The following ATP2B2 variants were observed in gnomAD, a reference collection of about 807,000 sequenced individuals.
ATP2B2 encodes the protein ATPase plasma membrane Ca2+ transporting 2, also known as plasma membrane calcium-transporting ATPase 2.
ATP2B2 carries 15 observed loss-of-function variants against 120.0 expected under a neutral mutation model. The ratio of observed to expected loss-of-function variants is 0.12; its 90% CI spans 0.08 to 0.19. The LOEUF (loss-of-function observed/expected upper bound fraction) is 0.19. ATP2B2 is among the 10% of genes least tolerant of loss of function. ATP2B2 has a pLI of 1.00. For synonymous variants in ATP2B2, 694 were observed against 700.3 expected (o/e 0.99, Z 0.14); for missense variants, 1,045 against 1,719.8 (o/e 0.61, Z 6.94).
At chr3:10,665,292 T>C (rs1447011534) in intron 1 of ATP2B2, among the ~76,000 whole-genome samples, 1 of 152,172 alleles carries the variant, frequency 6.6e-6, no homozygotes, top group Non-Finnish European at 1.5e-5. Flanking sequence ...CTGAGCTCTC[T>C]GTCTCTGTAG....
chr3:10,488,832 C>G (rs2065828157), intron 1 of ATP2B2, among the ~76,000 whole-genome samples: 1 of 152,044 alleles, frequency 6.6e-6, no homozygotes. Flanking sequence ...TCTCACCTCA[C>G]CCCCCACAGT....
chr3:10,526,018 T>C (rs1481275207), intron 3 of ATP2B2, among the ~76,000 whole-genome samples: 1 of 152,214 alleles, frequency 6.6e-6, no homozygotes, highest in Non-Finnish European at 1.5e-5. Context: ...GTAGTGAAGA[T>C]GAACTGGGAC....
intron 22 of ATP2B2, among the ~76,000 whole-genome samples, chr3:10,336,795 G>T (rs1228601292): frequency 1.3e-5 from 2 of 152,218 alleles, no homozygotes; most frequent in Non-Finnish European, 2.9e-5. Context: ...GCCTGGCAGG[G>T]TTATCTGTAA....
chr3:10,497,795 T>C (rs2066215738), intron 1 of ATP2B2, among the ~76,000 whole-genome samples: 1 of 152,182 alleles, frequency 6.6e-6, no homozygotes, highest in Admixed American at 6.5e-5. Context: ...ACTCTGCTGG[T>C]CACGTAATAC....
At chr3:10,518,939 G>A (rs548009017) in intron 3 of ATP2B2, among the ~76,000 whole-genome samples, 2 of 152,232 alleles carry the variant, frequency 1.3e-5, no homozygotes, top group Non-Finnish European at 2.9e-5. Flanking sequence ...CTGGGCTGTG[G>A]TGAAGATAAA....
intron 2 of ATP2B2, among the ~76,000 whole-genome samples, chr3:10,446,492 C>T (rs540048283): frequency 6.6e-6 from 1 of 152,288 alleles, no homozygotes; most frequent in South Asian, 2.1e-4. Context: ...CTATTACTAT[C>T]CATGATTTAC....
At chr3:10,618,935 G>A (rs928067848) in intron 2 of ATP2B2, among the ~76,000 whole-genome samples, 1 of 152,192 alleles carries the variant, frequency 6.6e-6, no homozygotes, top group Non-Finnish European at 1.5e-5. Flanking sequence ...CAAGCATGGT[G>A]GTGATTTGGG....
At position 10,516,962 on chromosome 3, in the gene ATP2B2, A is replaced by ATGTGTGTGTG. The variant is rs112098821; in HGVS notation, c.-320+17067_-320+17076dup. Reference sequence around the variant, plus strand: ...GCTTGTTTAGATCTACAATTTTCAGATGTGTGTGTGTGTGTGTGTGTGTTT... The same window carrying ATGTGTGTGTG: ...GCTTGTTTAGATCTACAATTTTCAGATGTGTGTGTGTGTGTGTGTGTGTGTGTGTGTGTTT... On this transcript the variant is annotated intron_variant, in intron 3 of 21. Coordinates refer to the ATP2B2 transcript ENST00000646379. 1.3e-3 allele frequency among the ~76,000 whole-genome samples: 200 copies of ATGTGTGTGTG among 149,818 alleles called. 1 individual carries two copies. Among genetic ancestry groups the ATGTGTGTGTG allele is most frequent in the African/African-American group, 4.6e-3 (190 of 40,998 alleles).
rs144283368 is a variant in ATP2B2 at position 10,342,861 on chromosome 3, C to G, written c.2808G>C (p.Leu936=). 1 of 1,613,978 alleles carries G rather than the reference C, an allele frequency of 6.2e-7. No homozygotes were observed. The highest frequency in any genetic ancestry group is 8.5e-7 in the Non-Finnish European group (1 of 1,179,994). The change falls in exon 19 of 23, where the codon CTG becomes CTC. Residue 936 remains leucine, a synonymous_variant. Transcript: ENST00000360273. This position sits in a 1 kb window ranked among gnomAD's most constrained non-coding sequence, Gnocchi z 4.4. ...GCTTGTTGCGGCCGTACGGCTTCCT[C>G]AGCAGCAGGGTCTCCGTGGGCGGCT... is the stretch of plus-strand genomic sequence containing the variant. ...ATEPPTETLL[L]RKPYGRNKPL...
Position 10,338,373 on chromosome 3 carries a change from G to T in ATP2B2, c.3238-15C>A, listed in dbSNP as rs772855619. 5.0e-6 allele frequency: 8 copies of T among 1,613,994 alleles called. No individual in the cohort carries two copies. Among genetic ancestry groups the T allele is most frequent in the Non-Finnish European group, 6.8e-6 (8 of 1,180,026 alleles). Reference sequence around the variant, plus strand: ...GTGGCGATGACCTGCAAGGGACCCTGTCTGTCAGGACGGTGGGGCTGTCCT... The same window carrying T: ...GTGGCGATGACCTGCAAGGGACCCTTTCTGTCAGGACGGTGGGGCTGTCCT... On this transcript the variant is annotated splice_polypyrimidine_tract_variant and intron_variant, in intron 21 of 22. Coordinates refer to ENST00000360273, the MANE Select transcript of ATP2B2 (RefSeq NM_001001331.4).
At chr3:10,455,202 G>C (rs563877356) in intron 1 of ATP2B2, among the ~76,000 whole-genome samples, 1 of 152,158 alleles carries the variant, frequency 6.6e-6, no homozygotes, top group Admixed American at 6.5e-5. Flanking sequence ...TTTCTGGGGG[G>C]TCAGGAAAGA....
At chr3:10,659,779 C>G (rs1267312965) in intron 1 of ATP2B2, among the ~76,000 whole-genome samples, 1 of 152,350 alleles carries the variant, frequency 6.6e-6, no homozygotes, top group Non-Finnish European at 1.5e-5. Flanking sequence ...CACCCCAAAT[C>G]AACAGAATAT....
chr3:10,695,400 G>A (rs147339316), intron 1 of ATP2B2, among the ~76,000 whole-genome samples: 4 of 151,992 alleles, frequency 2.6e-5, no homozygotes, highest in South Asian at 2.1e-4. Context: ...ACCTCCCACC[G>A]GGTCCCTCCC....
At chr3:10,408,156 G>A (rs2062482121) in intron 3 of ATP2B2, among the ~76,000 whole-genome samples, 1 of 152,248 alleles carries the variant, frequency 6.6e-6, no homozygotes, top group South Asian at 2.1e-4. Context: ...CCTGGTCTGT[G>A]AAATGGGTGT....
At chr3:10,608,374 T>C (rs2069140558) in intron 2 of ATP2B2, among the ~76,000 whole-genome samples, 1 of 152,172 alleles carries the variant, frequency 6.6e-6, no homozygotes, top group African/African-American at 2.4e-5. Context: ...CAGTGAGCAA[T>C]GATTGTGCCA....
chr3:10,356,551 T>C (rs1041609987), intron 14 of ATP2B2, among the ~76,000 whole-genome samples: 1 of 152,186 alleles, frequency 6.6e-6, no homozygotes, highest in South Asian at 2.1e-4. Context: ...CATGGTCAAA[T>C]AACAGTTTGG....
At chr3:10,522,527 G>C (rs1283558763) in intron 3 of ATP2B2, among the ~76,000 whole-genome samples, 1 of 152,142 alleles carries the variant, frequency 6.6e-6, no homozygotes, top group East Asian at 1.9e-4. Context: ...AGCCAGTGTT[G>C]GACTTGTTAG....
chr3:10,524,303 G>A (rs1445165279), intron 3 of ATP2B2, among the ~76,000 whole-genome samples: 5 of 152,174 alleles, frequency 3.3e-5, no homozygotes, highest in African/African-American at 2.4e-5. Context: ...TGTAGTAAAC[G>A]TATCAGGTAC....
intron 1 of ATP2B2, among the ~76,000 whole-genome samples, chr3:10,687,559 G>T (rs1309018843): frequency 6.6e-6 from 1 of 152,066 alleles, no homozygotes. Context: ...TTTAAAGATG[G>T]AAATAAAAAG....
Sources: allele counts gnomAD v4.1 joint callset (sites outside exome capture counted in the v4.1 genomes callset), GRCh38; gene constraint gnomAD v4.1.1; non-coding constraint Gnocchi (gnomAD v3.1); transcripts MANE v1.5; gene names NCBI Gene and HGNC (gene_info 2026-07-23, HGNC 2026-07-21).